The following GSE1 variants were observed in gnomAD, a reference collection of about 807,000 sequenced individuals.
GSE1 encodes the protein genetic suppressor element 1.
In GSE1, 32 loss-of-function variants were observed where a neutral mutation model predicts 112.6. The observed-to-expected ratio is 0.28, with a 90% CI of 0.21 to 0.38. The LOEUF is 0.38. GSE1 is among the 10% of genes least tolerant of loss of function. GSE1 has a pLI of 1.00. For synonymous variants in GSE1, 1,115 were observed against 735.6 expected, an observed-to-expected ratio of 1.52 and a Z score of -8.35; for missense variants, 2,348 against 1,699.2, an observed-to-expected ratio of 1.38 and a Z score of -6.71.
chr16:85,332,231 G>A (rs924607780), intron 1 of GSE1, among the ~76,000 whole-genome samples: 2 of 152,184 alleles, frequency 1.3e-5, no homozygotes, highest in Non-Finnish European at 2.9e-5. Flanking sequence ...TCCTGTAGCC[G>A]TCGGCCATGA....
intron 14 of GSE1, among the ~76,000 whole-genome samples, chr16:85,670,332 TCCCA>T (rs2053229427): frequency 6.6e-6 from 1 of 152,208 alleles, no homozygotes; most frequent in African/African-American, 2.4e-5. Context: ...CTTTAAAGCA[TCCCA>T]TTAAAGAGTG....
At chr16:85,500,160 C>T (rs565023235) in intron 2 of GSE1, among the ~76,000 whole-genome samples, 10 of 152,274 alleles carry the variant, frequency 6.6e-5, no homozygotes, top group East Asian at 3.9e-4. Flanking sequence ...AGAAAATAAC[C>T]GGCTGCCAGG....
intron 1 of GSE1, among the ~76,000 whole-genome samples, chr16:85,275,565 C>T (rs911814739): frequency 1.3e-5 from 2 of 152,192 alleles, no homozygotes; most frequent in Non-Finnish European, 2.9e-5. Context: ...AGCTAGCACC[C>T]AGCATTTCAT....
intron 1 of GSE1, among the ~76,000 whole-genome samples, chr16:85,352,009 A>C (rs904429017): frequency 6.6e-6 from 1 of 152,052 alleles, no homozygotes; most frequent in African/African-American, 2.4e-5. Flanking sequence ...ACAAACAAAA[A>C]AAAAACCCAA....
At chr16:85,306,571 A>G (rs1312611861) in intron 1 of GSE1, among the ~76,000 whole-genome samples, 2 of 152,042 alleles carry the variant, frequency 1.3e-5, no homozygotes. Context: ...TGTTTTAGAG[A>G]TGGGGTCTCC....
chr16:85,217,440 G>A (rs1004794717), intron 1 of GSE1, among the ~76,000 whole-genome samples: 1 of 152,200 alleles, frequency 6.6e-6, no homozygotes, highest in African/African-American at 2.4e-5. Context: ...GCCCTGCAGA[G>A]TATGAGAAGG....
intron 2 of GSE1, among the ~76,000 whole-genome samples, chr16:85,518,708 A>G (rs1236298269): frequency 6.6e-6 from 1 of 152,044 alleles, no homozygotes; most frequent in Admixed American, 6.6e-5. Context: ...GCCTTGTTTT[A>G]AATCACCCAG....
intron 1 of GSE1, among the ~76,000 whole-genome samples, chr16:85,267,390 A>C: frequency 6.7e-6 from 1 of 149,406 alleles, no homozygotes. Context: ...TTTCTCCATC[A>C]CCCCCTCGGT....
rs553707734 is a variant in GSE1 at position 85,591,932 on chromosome 16, A to G, written c.37+35569A>G. ...GCCCAAATCGGAAGCCTCCAGCCAC[A>G]TGTGGCTATAGAGTGCTCAGAATGT... On this transcript the variant is annotated intron_variant, in intron 1 of 2. Coordinates refer to the GSE1 transcript ENST00000635906. Among the ~76,000 whole-genome samples, 78 of 152,316 alleles carry G rather than the reference A, an allele frequency of 5.1e-4. 1 individual carries two copies. In the South Asian group the frequency reaches 0.014, roughly 28 times the overall value.
At chr16:85,487,732 A>G (rs914912776) in intron 2 of GSE1, among the ~76,000 whole-genome samples, 1 of 141,030 alleles carries the variant, frequency 7.1e-6, no homozygotes, top group African/African-American at 2.5e-5. Context: ...CCCTCGGGAA[A>G]TGGGCGGTGG....
chr16:85,568,373 A>C (rs2045846774), intron 1 of GSE1, among the ~76,000 whole-genome samples: 1 of 152,182 alleles, frequency 6.6e-6, no homozygotes, highest in African/African-American at 2.4e-5. Context: ...TGAAAATAAT[A>C]GTGAGGGTTG....
intron 1 of GSE1, among the ~76,000 whole-genome samples, chr16:85,220,886 G>C (rs538042186): frequency 6.6e-6 from 1 of 150,764 alleles, no homozygotes; most frequent in African/African-American, 2.4e-5. Flanking sequence ...TTCCCAAATC[G>C]TGCCCCCCAC....
intron 2 of GSE1, among the ~76,000 whole-genome samples, chr16:85,640,016 G>T (rs1598506444): frequency 6.6e-6 from 1 of 152,208 alleles, no homozygotes; most frequent in South Asian, 2.1e-4. Context: ...TGGGAGGCCG[G>T]CGCTTTGGGA....
chr16:85,263,100 T>C (rs543749019), intron 1 of GSE1, among the ~76,000 whole-genome samples: 2 of 152,220 alleles, frequency 1.3e-5, no homozygotes, highest in South Asian at 2.1e-4. Flanking sequence ...TAGCGACGCG[T>C]AGTGATTAGA....
At chr16:85,414,878 C>T (rs531174455) in intron 2 of GSE1, among the ~76,000 whole-genome samples, 1 of 152,316 alleles carries the variant, frequency 6.6e-6, no homozygotes, top group African/African-American at 2.4e-5. Flanking sequence ...TCAGGCGATC[C>T]ACCTGCCTCG....
At chr16:85,598,172 T>C (rs1006220764) in intron 1 of GSE1, among the ~76,000 whole-genome samples, 2 of 144,362 alleles carry the variant, frequency 1.4e-5, no homozygotes, top group African/African-American at 2.6e-5. Context: ...TGGTTGTTTT[T>C]TTTTTTTTTT....
intron 2 of GSE1, among the ~76,000 whole-genome samples, chr16:85,364,820 C>T (rs1466543): frequency 0.37 from 56,005 of 152,030 alleles, 10,605 homozygotes; most frequent in East Asian, 0.57. Flanking sequence ...CTGTCCCCGG[C>T]AGAAGGGGCC....
intron 1 of GSE1, among the ~76,000 whole-genome samples, chr16:85,209,990 A>G (rs1056313134): frequency 2.0e-5 from 3 of 152,356 alleles, no homozygotes; most frequent in African/African-American, 4.8e-5. Context: ...CAGTAAATAC[A>G]TGGGGACACG....
intron 1 of GSE1, among the ~76,000 whole-genome samples, chr16:85,614,060 C>A (rs1170405824): frequency 6.6e-6 from 1 of 150,840 alleles, no homozygotes; most frequent in African/African-American, 2.4e-5. Context: ...TCTCCCCCCA[C>A]CCCCGGCGGA....
Sources: allele counts gnomAD v4.1 joint callset (sites outside exome capture counted in the v4.1 genomes callset), GRCh38; gene constraint gnomAD v4.1.1; transcripts MANE v1.5; gene names NCBI Gene and HGNC (gene_info 2026-07-23, HGNC 2026-07-21).